The following DUSP10 variants were observed in gnomAD, a reference collection of about 807,000 sequenced individuals.
DUSP10 encodes dual specificity protein phosphatase 10.
DUSP10 carries 14 observed loss-of-function variants against 30.8 expected under a neutral mutation model. The observed-to-expected ratio is 0.46, with a 90% CI of 0.30 to 0.71. The LOEUF (loss-of-function observed/expected upper bound fraction) is 0.71. Among genes scored for constraint, DUSP10 ranks in the 30% least tolerant of loss-of-function variants. DUSP10 has a pLI of 0.08. For missense variants in DUSP10, 550 were observed against 619.4 expected (o/e 0.89, Z 1.19); for synonymous variants, 254 against 250.4 (o/e 1.01, Z -0.14).
intron 2 of DUSP10, among the ~76,000 whole-genome samples, chr1:221,713,920 G>A (rs1661018197): frequency 6.6e-6 from 1 of 152,132 alleles, no homozygotes; most frequent in South Asian, 2.1e-4. Flanking sequence ...AAAATAAAAA[G>A]ATCTTCCTGG....
At chr1:221,737,433 G>T in intron 2 of DUSP10, 1 of 985,232 alleles carries the variant, frequency 1.0e-6, no homozygotes, top group Non-Finnish European at 1.2e-6. Flanking sequence ...TAAATATCCT[G>T]GGAATCACTC....
At chr1:221,736,673 C>G (rs921105095) in intron 2 of DUSP10, among the ~76,000 whole-genome samples, 7 of 152,186 alleles carry the variant, frequency 4.6e-5, no homozygotes, top group African/African-American at 1.7e-4. Context: ...CCATTCCTTT[C>G]CCTTCTTTTC....
intron 2 of DUSP10, among the ~76,000 whole-genome samples, chr1:221,731,378 A>C (rs1018699615): frequency 7.2e-5 from 11 of 152,168 alleles, no homozygotes; most frequent in African/African-American, 2.4e-4. Context: ...AAATAAACGA[A>C]GCCCTTATTC....
At chr1:221,728,156 T>C (rs1661480161) in intron 2 of DUSP10, among the ~76,000 whole-genome samples, 1 of 152,230 alleles carries the variant, frequency 6.6e-6, no homozygotes, top group Non-Finnish European at 1.5e-5. Context: ...CCTTGCCAGA[T>C]GTTGGCACCC....
chr1:221,741,120 G>T (rs565196248), intron 1 of DUSP10, among the ~76,000 whole-genome samples: 4 of 152,234 alleles, frequency 2.6e-5, no homozygotes, highest in African/African-American at 9.6e-5. Context: ...CGCACACGGG[G>T]CACGCACCCA....
intron 2 of DUSP10, among the ~76,000 whole-genome samples, chr1:221,716,779 C>G (rs951710297): frequency 6.6e-6 from 1 of 152,196 alleles, no homozygotes; most frequent in Non-Finnish European, 1.5e-5. Context: ...CTTTCTGGTA[C>G]GTGTCTAAAC....
At chr1:221,705,946 C>T in intron 3 of DUSP10, 149 bp downstream of exon 3, 2 of 1,030,102 alleles carry the variant, frequency 1.9e-6, no homozygotes, top group Non-Finnish European at 2.8e-6. Flanking sequence ...TAGGAGAATG[C>T]TTAGGCTGTT....
At position 221,706,663 on chromosome 1, in the gene DUSP10, A is replaced by G. The variant is rs536440084; in HGVS notation, c.812-197T>C. 1.1e-4 allele frequency among the ~76,000 whole-genome samples: 17 copies of G among 152,364 alleles called. No individual in the cohort carries two copies. The highest frequency in any genetic ancestry group is 1.6e-4 in the Non-Finnish European group (11 of 68,040). On this transcript the variant is annotated intron_variant, in intron 2 of 3. Transcript: ENST00000366899. The surrounding 1 kb of genome is among the most constrained non-coding windows in gnomAD (Gnocchi z 4.6). ...AACTAAAAGTCCATTTGGAGACCCAAGACAAGCTTCGGGGAGTATCACTGC... is the reference window on the plus strand; with the variant it reads ...AACTAAAAGTCCATTTGGAGACCCAGGACAAGCTTCGGGGAGTATCACTGC...
At chr1:221,721,861 G>T (rs1045762426) in intron 2 of DUSP10, among the ~76,000 whole-genome samples, 1 of 152,190 alleles carries the variant, frequency 6.6e-6, no homozygotes, top group African/African-American at 2.4e-5. Context: ...TGAAATGGGG[G>T]CACAGTGCTC....
In DUSP10 at chr1:221,739,646, G is replaced by A; in HGVS notation, c.99C>T (p.Gly33=). Residue 33 remains glycine, a synonymous_variant, in exon 2 of 4, where the codon GGC becomes GGT. Transcript: ENST00000366899. ...GGCTGTTACTGCCTGGGTTGGCAGA[G>A]CCAAGGTAACTAGAGTCTAAACAAA... The part of the protein sequence containing the change: ...LNLCLDSSYL[G]SANPGSNSHP... The A allele has an allele frequency of 6.2e-7, 1 of 1,614,200 alleles. No individual in the cohort carries two copies. Among genetic ancestry groups the A allele is most frequent in the Middle Eastern group, 1.6e-4 (1 of 6,062 alleles).
Position 221,705,363 on chromosome 1 carries a change from G to A in DUSP10, c.1183+732C>T, listed in dbSNP as rs535038685. Among the ~76,000 whole-genome samples, 107 of 152,118 alleles carry A rather than the reference G, an allele frequency of 7.0e-4. 1 individual carries two copies. Among genetic ancestry groups the A allele is most frequent in the Admixed American group, 2.6e-3 (40 of 15,288 alleles). On this transcript the variant is annotated intron_variant, in intron 3 of 3. Coordinates refer to ENST00000366899, the MANE Select transcript of DUSP10 (RefSeq NM_007207.6). ...TGACCTCAGGTGATCCACCCGCCTC[G>A]GCCTCCCAATGTGCTGGGATTACAG...
intron 2 of DUSP10, among the ~76,000 whole-genome samples, chr1:221,730,293 T>C (rs1056897917): frequency 6.6e-6 from 1 of 152,120 alleles, no homozygotes; most frequent in Non-Finnish European, 1.5e-5. Flanking sequence ...CAAAATAAGA[T>C]CAGTCGAGTT....
intron 2 of DUSP10, among the ~76,000 whole-genome samples, chr1:221,711,111 C>G (rs187611405): frequency 2.0e-5 from 3 of 152,314 alleles, no homozygotes; most frequent in Admixed American, 1.3e-4. Flanking sequence ...TTCTAACACA[C>G]GGTCAGTTCA....
At chr1:221,710,201 C>T (rs1660893810) in intron 2 of DUSP10, among the ~76,000 whole-genome samples, 1 of 152,174 alleles carries the variant, frequency 6.6e-6, no homozygotes, top group Non-Finnish European at 1.5e-5. Flanking sequence ...ATATCATCAC[C>T]TTTGTTCTAA....
chr1:221,738,463 A>T (rs1486193280), intron 2 of DUSP10, among the ~76,000 whole-genome samples: 1 of 152,214 alleles, frequency 6.6e-6, no homozygotes, highest in Non-Finnish European at 1.5e-5. Context: ...TGAGAAAGAG[A>T]AAGAATTTCC....
At chr1:221,705,442 T>C (rs1431501664) in intron 3 of DUSP10, among the ~76,000 whole-genome samples, 1 of 152,204 alleles carries the variant, frequency 6.6e-6, no homozygotes, top group African/African-American at 2.4e-5. Context: ...TTTGGGGCTA[T>C]AGAAGTTGCA....
At chr1:221,737,922 T>G (rs1661828664) in intron 2 of DUSP10, among the ~76,000 whole-genome samples, 1 of 152,214 alleles carries the variant, frequency 6.6e-6, no homozygotes, top group Non-Finnish European at 1.5e-5. Flanking sequence ...GTTGGAGATG[T>G]GACCCAGAAA....
chr1:221,715,499 C>G (rs137930886), intron 2 of DUSP10, among the ~76,000 whole-genome samples: 2 of 152,206 alleles, frequency 1.3e-5, no homozygotes, highest in African/African-American at 2.4e-5. Context: ...CTCTTGCCCC[C>G]CTCCTACCAT....
Position 221,739,003 on chromosome 1 carries a change from G to A in DUSP10, c.742C>T (p.Pro248Ser), listed in dbSNP as rs1437373534. Residue 248 changes from proline to serine, a missense_variant, in exon 2 of 4, where the codon CCC (proline) becomes TCC (serine). Coordinates refer to ENST00000366899, the MANE Select transcript of DUSP10 (RefSeq NM_007207.6). ...AGGACTATGTGAAGTGGCTGGGAGG[G>A]CATCACTCGGCTTGGTTCATTGGTA... ...ENTNEPSRVM[P>S]SQPLHIVLES... 1 of 1,614,008 alleles carries A rather than the reference G, an allele frequency of 6.2e-7. No homozygotes were observed. The highest frequency in any genetic ancestry group is 1.3e-5 in the African/African-American group (1 of 74,904).
Sources: gnomAD v4.1 joint callset for allele counts (sites outside exome capture counted in the v4.1 genomes callset) on GRCh38, gnomAD v4.1.1 for gene constraint, Gnocchi (gnomAD v3.1) non-coding constraint, MANE v1.5 for transcripts, NCBI Gene and HGNC (gene_info 2026-07-23, HGNC 2026-07-21) for gene names.